Variants in ANKS1B observed in about 807,000 individuals in gnomAD.
ANKS1B encodes ankyrin repeat and sterile alpha motif domain containing 1B.
ANKS1B carries 36 observed loss-of-function variants against 148.3 expected under a neutral mutation model. That is an observed-to-expected ratio of 0.24 (90% CI 0.19 to 0.32). The LOEUF (loss-of-function observed/expected upper bound fraction) is 0.32, where lower values mean the gene tolerates loss of function less well. Ranked by LOEUF, ANKS1B falls within the 10% of genes least tolerant of loss-of-function variation. The pLI is 1.00. For synonymous variants in ANKS1B, 542 were observed against 560.8 expected, an observed-to-expected ratio of 0.97 and a Z score of 0.47; for missense variants, 1,157 against 1,542.6, an observed-to-expected ratio of 0.75 and a Z score of 4.19.
At chr12:99,309,234 A>C (rs2082802166) in intron 12 of ANKS1B, among the ~76,000 whole-genome samples, 2 of 151,938 alleles carry the variant, frequency 1.3e-5, no homozygotes, top group South Asian at 2.1e-4. Flanking sequence ...GTTATGTTTT[A>C]GATAGATAAT....
chr12:99,144,930 C>T (rs1182191465), intron 15 of ANKS1B, among the ~76,000 whole-genome samples: 1 of 152,010 alleles, frequency 6.6e-6, no homozygotes, highest in Non-Finnish European at 1.5e-5. Context: ...AACTGTGAGA[C>T]AATAAATTTC....
At chr12:99,631,095 G>A (rs78204539) in intron 9 of ANKS1B, among the ~76,000 whole-genome samples, 43 of 152,048 alleles carry the variant, frequency 2.8e-4, no homozygotes, top group African/African-American at 9.9e-4. Flanking sequence ...CCTTGATTGT[G>A]AGGCCTCCCC....
At chr12:99,321,610 T>C (rs777151465) in intron 12 of ANKS1B, among the ~76,000 whole-genome samples, 1 of 152,174 alleles carries the variant, frequency 6.6e-6, no homozygotes, top group African/African-American at 2.4e-5. Flanking sequence ...TGTCATGGCT[T>C]CCCTTGGCTA....
At chr12:99,129,989 C>T (rs1461203142) in intron 15 of ANKS1B, among the ~76,000 whole-genome samples, 1 of 152,036 alleles carries the variant, frequency 6.6e-6, no homozygotes, top group Non-Finnish European at 1.5e-5. Flanking sequence ...AGGTTGGTCC[C>T]TTATTTAAAA....
intron 9 of ANKS1B, among the ~76,000 whole-genome samples, chr12:99,608,071 A>T (rs779128212): frequency 6.6e-6 from 1 of 152,076 alleles, no homozygotes; most frequent in African/African-American, 2.4e-5. Flanking sequence ...GGTCTCTTAG[A>T]GCTGAGGTAA....
chr12:99,281,244 T>C (rs1399819912), intron 12 of ANKS1B, among the ~76,000 whole-genome samples: 2 of 152,218 alleles, frequency 1.3e-5, no homozygotes, highest in African/African-American at 2.4e-5. Flanking sequence ...TTATGTATTA[T>C]GGCAGCTAGT....
intron 10 of ANKS1B, among the ~76,000 whole-genome samples, chr12:99,487,828 T>C (rs1016334528): frequency 6.6e-6 from 1 of 152,198 alleles, no homozygotes; most frequent in African/African-American, 2.4e-5. Flanking sequence ...CCTAGATATG[T>C]CTATTAAATC....
intron 10 of ANKS1B, among the ~76,000 whole-genome samples, chr12:99,467,644 AACAG>A (rs1348395286): frequency 4.6e-5 from 7 of 152,162 alleles, no homozygotes; most frequent in Non-Finnish European, 7.4e-5. Context: ...ATACACCAAT[AACAG>A]ACAAACAGAG....
intron 9 of ANKS1B, among the ~76,000 whole-genome samples, chr12:99,538,235 T>A (rs929353856): frequency 1.3e-5 from 2 of 152,152 alleles, no homozygotes; most frequent in Non-Finnish European, 2.9e-5. Flanking sequence ...GCTTTGGCTA[T>A]TCTGGTTTTT....
chr12:99,133,622 AC>A lies in ANKS1B; in HGVS notation c.2526+20666del, dbSNP rs1167746917. Reference sequence around the variant, plus strand: ...CCCACAATCATGTTTATAATGGTCCACGAATATTTTTTGACTGAATGTCTGT... The same window carrying A: ...CCCACAATCATGTTTATAATGGTCCAGAATATTTTTTGACTGAATGTCTGT... On this transcript the variant is annotated intron_variant, in intron 15 of 26. Coordinates refer to ENST00000683438, the MANE Select transcript of ANKS1B (RefSeq NM_001352186.2). 2.0e-5 allele frequency among the ~76,000 whole-genome samples: 3 copies of A among 152,164 alleles called. No individual in the cohort carries two copies. The East Asian group carries it at 5.8e-4, about 29-fold the overall frequency.
Position 98,948,947 on chromosome 12 carries a change from CTTTTTTTTTTTT to C in ANKS1B, c.2778+104198_2778+104209del, listed in dbSNP as rs869145338. Among the ~76,000 whole-genome samples the C allele has an allele frequency of 8.2e-5, 7 of 84,862 alleles. 1 individual carries two copies. The East Asian group carries it at 2.3e-3, about 28-fold the overall frequency. 55.7% of individuals were successfully genotyped at this position (84,862 alleles called of 152,430 possible). A position where few individuals can be genotyped will look rare whatever the true frequency, so the allele number is the denominator to read the frequency against. On this transcript the variant is annotated intron_variant, in intron 17 of 26. Coordinates refer to ENST00000683438, the MANE Select transcript of ANKS1B (RefSeq NM_001352186.2). The stretch of plus-strand genomic sequence containing the variant: ...AGGGGTGAGATATGAGCATGAGCTA[CTTTTTTTTTTTT>C]TTTTTTTTTTTGAGATGGAGTCTTG...
In ANKS1B at chr12:99,529,802, T is replaced by A. The variant is rs549374427; in HGVS notation, c.1273-25161A>T. Among the ~76,000 whole-genome samples the A allele has an allele frequency of 5.9e-5, 9 of 152,322 alleles. No homozygotes were observed. The South Asian group carries it at 1.9e-3, about 32-fold the overall frequency. On this transcript the variant is annotated intron_variant, in intron 9 of 26. Transcript: ENST00000683438. The stretch of plus-strand genomic sequence containing the variant: ...ATACCTATGTTACATATTTAAATAA[T>A]CTCCAAACTCCCATCTAATTTAGCT...
At chr12:99,232,506 C>A (rs959318485) in intron 14 of ANKS1B, among the ~76,000 whole-genome samples, 58 of 152,190 alleles carry the variant, frequency 3.8e-4, no homozygotes, top group African/African-American at 1.4e-3. Flanking sequence ...CATGTTTGCT[C>A]TTGTGTAATG....
chr12:99,718,138 G>A (rs1394428530), intron 8 of ANKS1B, among the ~76,000 whole-genome samples: 1 of 151,788 alleles, frequency 6.6e-6, no homozygotes, highest in Non-Finnish European at 1.5e-5. Flanking sequence ...CTGACCTCGT[G>A]ATCCGCCCGC....
intron 1 of ANKS1B, among the ~76,000 whole-genome samples, chr12:99,970,589 G>A (rs1313163825): frequency 6.6e-6 from 1 of 150,644 alleles, no homozygotes; most frequent in Non-Finnish European, 1.5e-5. Flanking sequence ...AACTCCTTAG[G>A]GCAACACACA....
intron 9 of ANKS1B, among the ~76,000 whole-genome samples, chr12:99,587,884 G>A (rs776111216): frequency 6.6e-6 from 1 of 152,098 alleles, no homozygotes; most frequent in Non-Finnish European, 1.5e-5. Flanking sequence ...GGGATTGAAA[G>A]GATAAGGAGG....
rs746993204 is a variant in ANKS1B at position 99,399,792 on chromosome 12, A to G, written c.1595T>C (p.Ile532Thr). 15 of 1,613,382 alleles carry G rather than the reference A, an allele frequency of 9.3e-6. No individual in the cohort carries two copies. The South Asian group carries it at 1.5e-4, about 17-fold the overall frequency. ...IRPQPKQRTS[I>T]VSSLDFHRMN... is the part of the protein sequence containing the mutation. ...TCGGTGAAAATCCAGAGAAGACACA[A>G]TGGATGTTCGCTGTTTAGGCTAAAA... The change falls in exon 12 of 27, where the codon ATT becomes ACT. Residue 532 changes from isoleucine (I) to threonine (T), a missense_variant. By Grantham distance (89) the Ile-to-Thr change is moderately conservative. Coordinates refer to ENST00000683438, the MANE Select transcript of ANKS1B (RefSeq NM_001352186.2).
chr12:99,865,749 T>C (rs2090659711), intron 1 of ANKS1B, among the ~76,000 whole-genome samples: 1 of 152,220 alleles, frequency 6.6e-6, no homozygotes, highest in Admixed American at 6.5e-5. Flanking sequence ...AGTTGGTCTT[T>C]ATTTACACTA....
chr12:98,809,940 C>T (rs2099081517), intron 19 of ANKS1B, among the ~76,000 whole-genome samples: 1 of 152,112 alleles, frequency 6.6e-6, no homozygotes, highest in Non-Finnish European at 1.5e-5. Context: ...CTATAAGATA[C>T]CAAATTATCA....
Sources: gnomAD v4.1 joint callset for allele counts (sites outside exome capture counted in the v4.1 genomes callset) on GRCh38, gnomAD v4.1.1 for gene constraint, MANE v1.5 for transcripts, NCBI Gene and HGNC (gene_info 2026-07-23, HGNC 2026-07-21) for gene names.